Variants in SLC35D4 observed in about 807,000 individuals in gnomAD.
SLC35D4 encodes solute carrier family 35 member D4, also known as UDP-N-acetylglucosamine transporter SLC35D4.
At chr18:23,428,221 CA>C in the SLC35D4 span, among the ~76,000 whole-genome samples, 2 of 151,740 alleles carry the variant, frequency 1.3e-5, no homozygotes, top group Non-Finnish European at 2.9e-5. Context: ...ACTAAAACCT[CA>C]ATGAAAATAA....
chr18:23,437,661 T>C, the SLC35D4 span: 8 of 1,078,318 alleles, frequency 7.4e-6, no homozygotes, highest in Non-Finnish European at 1.1e-5. Context: ...TCGCTCTCCA[T>C]CTCCATCGCC....
chr18:23,291,379 A>T, the SLC35D4 span, among the ~76,000 whole-genome samples: 1 of 152,224 alleles, frequency 6.6e-6, no homozygotes, highest in African/African-American at 2.4e-5. Context: ...ATTGTTGCAT[A>T]ACACGCTGTC....
the SLC35D4 span, among the ~76,000 whole-genome samples, chr18:23,264,508 G>A: frequency 6.4e-4 from 97 of 151,996 alleles, 2 homozygotes; most frequent in South Asian, 0.011. Context: ...GATCACAGGC[G>A]CGCGCCACTA....
the SLC35D4 span, among the ~76,000 whole-genome samples, chr18:23,246,951 C>A: frequency 6.6e-6 from 1 of 152,222 alleles, no homozygotes; most frequent in African/African-American, 2.4e-5. Flanking sequence ...CCTCAGCCTC[C>A]TAAAGTGCTG....
chr18:23,376,788 C>A, the SLC35D4 span: 10 of 456,138 alleles, frequency 2.2e-5, no homozygotes, highest in South Asian at 1.5e-5. Flanking sequence ...GGGTGAGACA[C>A]CTGCCTGCCT....
the SLC35D4 span, among the ~76,000 whole-genome samples, chr18:23,417,485 A>T: frequency 6.6e-6 from 1 of 152,214 alleles, no homozygotes; most frequent in Non-Finnish European, 1.5e-5. Flanking sequence ...TCATAGACAA[A>T]GAAAGCAGAA....
chr18:23,312,671 C>A, the SLC35D4 span, among the ~76,000 whole-genome samples: 3 of 152,138 alleles, frequency 2.0e-5, no homozygotes, highest in African/African-American at 4.8e-5. Context: ...GTGGTTTCTA[C>A]GTGCGTGATG....
the SLC35D4 span, chr18:23,430,628 C>A: frequency 6.2e-7 from 1 of 1,607,966 alleles, no homozygotes; most frequent in South Asian, 1.1e-5. Flanking sequence ...AGAAGATACT[C>A]ACCCTTGGAA....
At chr18:23,273,130 G>A in the SLC35D4 span, among the ~76,000 whole-genome samples, 2 of 152,164 alleles carry the variant, frequency 1.3e-5, no homozygotes, top group East Asian at 1.9e-4. Flanking sequence ...TTTTTGTTTT[G>A]TTGTTGATTT....
At chr18:23,323,134 A>C in the SLC35D4 span, among the ~76,000 whole-genome samples, 1 of 152,224 alleles carries the variant, frequency 6.6e-6, no homozygotes, top group Admixed American at 6.5e-5. Flanking sequence ...CACAGATCTA[A>C]TCTCTGCAGA....
the SLC35D4 span, chr18:23,376,778 G>C: frequency 2.2e-6 from 1 of 455,998 alleles, no homozygotes; most frequent in East Asian, 6.9e-5. Flanking sequence ...GGATACCCAA[G>C]GGTGAGACAC....
the SLC35D4 span, among the ~76,000 whole-genome samples, chr18:23,363,455 A>G: frequency 7.3e-6 from 1 of 137,720 alleles, no homozygotes; most frequent in African/African-American, 2.8e-5. Flanking sequence ...GCTCACTGCA[A>G]GCTCCGCCTC....
chr18:23,354,345 C>CAAAAAAAA, the SLC35D4 span, among the ~76,000 whole-genome samples: 24 of 99,108 alleles, frequency 2.4e-4, no homozygotes, highest in Non-Finnish European at 3.2e-4. Flanking sequence ...ACTAAAAATA[C>CAAAAAAAA]AAAAAAAAAA....
the SLC35D4 span, among the ~76,000 whole-genome samples, chr18:23,369,878 C>T: frequency 1.3e-5 from 2 of 152,136 alleles, no homozygotes; most frequent in Admixed American, 1.3e-4. Context: ...CACAGCTCAC[C>T]AAACATTAAG....
the SLC35D4 span, among the ~76,000 whole-genome samples, chr18:23,349,138 A>G: frequency 6.6e-6 from 1 of 152,180 alleles, no homozygotes; most frequent in Non-Finnish European, 1.5e-5. Context: ...TAATGTGTCT[A>G]GATCTCTTTT....
the SLC35D4 span, among the ~76,000 whole-genome samples, chr18:23,323,184 G>A: frequency 1.1e-4 from 17 of 152,182 alleles, no homozygotes; most frequent in African/African-American, 2.9e-4. Context: ...TCAAAGGAGC[G>A]TTCAATAAAA....
the SLC35D4 span, among the ~76,000 whole-genome samples, chr18:23,270,202 T>A: frequency 6.6e-6 from 1 of 152,138 alleles, no homozygotes; most frequent in Non-Finnish European, 1.5e-5. Flanking sequence ...TAGCCATGGC[T>A]AAAAGGGGCC....
chr18:23,263,030 C>T, the SLC35D4 span, among the ~76,000 whole-genome samples: 13 of 152,340 alleles, frequency 8.5e-5, no homozygotes, highest in African/African-American at 3.1e-4. Context: ...ATGCGCCAGC[C>T]CTGTGCTGGG....
the SLC35D4 span, among the ~76,000 whole-genome samples, chr18:23,335,972 A>T: frequency 1.2e-4 from 18 of 152,194 alleles, no homozygotes; most frequent in African/African-American, 4.3e-4. Context: ...AGAAGTTGTG[A>T]AACAGAATTG....
Sources: gnomAD v4.1 joint callset for allele counts (sites outside exome capture counted in the v4.1 genomes callset) on GRCh38, gnomAD v4.1.1 for gene constraint, MANE v1.5 for transcripts, NCBI Gene and HGNC (gene_info 2026-07-23, HGNC 2026-07-21) for gene names.